PTPRD: variants seen among roughly 807,000 people sequenced by gnomAD.
The protein encoded by PTPRD is receptor-type tyrosine-protein phosphatase delta.
PTPRD carries 34 observed loss-of-function variants against 214.5 expected under a neutral mutation model. The ratio of observed to expected loss-of-function variants is 0.16; its 90% CI spans 0.12 to 0.21. The LOEUF is 0.21. Ranked by LOEUF, PTPRD falls within the 10% of genes least tolerant of loss-of-function variation. The pLI is 1.00. For synonymous variants in PTPRD, 1,128 were observed against 845.7 expected (o/e 1.33, Z -5.79); for missense variants, 2,545 against 2,398.7 (o/e 1.06, Z -1.27).
At chr9:8,675,538 CAAAAAAAAAAAAAAA>C (rs61509653) in intron 12 of PTPRD, among the ~76,000 whole-genome samples, 65 of 49,124 alleles carry the variant, frequency 1.3e-3, no homozygotes, top group Admixed American at 5.6e-3. Context: ...CACACACACA[CAAAAAAAAAAAAAAA>C]AAAAAAAAAA....
intron 11 of PTPRD, among the ~76,000 whole-genome samples, chr9:8,963,926 T>C (rs1268636694): frequency 1.3e-5 from 2 of 152,224 alleles, no homozygotes; most frequent in South Asian, 2.1e-4. Flanking sequence ...AATTAACTTT[T>C]TGATGTGCTG....
At chr9:9,525,040 G>T (rs2073771509) in intron 8 of PTPRD, among the ~76,000 whole-genome samples, 1 of 152,116 alleles carries the variant, frequency 6.6e-6, no homozygotes, top group South Asian at 2.1e-4. Context: ...TGTATTTTTA[G>T]TAGAGACACC....
intron 17 of PTPRD, among the ~76,000 whole-genome samples, chr9:8,525,751 C>T (rs1437930114): frequency 6.6e-6 from 1 of 152,064 alleles, no homozygotes; most frequent in Non-Finnish European, 1.5e-5. Flanking sequence ...TGCTTGAGGA[C>T]CCTGAGATGG....
At chr9:9,498,935 T>G (rs1011117021) in intron 8 of PTPRD, among the ~76,000 whole-genome samples, 6 of 150,006 alleles carry the variant, frequency 4.0e-5, no homozygotes, top group African/African-American at 1.5e-4. Context: ...TAGGCTTATT[T>G]TTTCTCTCTC....
At chr9:10,114,443 C>A (rs1591526338) in intron 3 of PTPRD, among the ~76,000 whole-genome samples, 3 of 152,214 alleles carry the variant, frequency 2.0e-5, no homozygotes, top group Middle Eastern at 6.8e-3. Context: ...TAGACAGGAC[C>A]AATACCTGTC....
At chr9:9,649,852 T>G (rs1421002002) in intron 7 of PTPRD, among the ~76,000 whole-genome samples, 1 of 152,260 alleles carries the variant, frequency 6.6e-6, no homozygotes, top group Non-Finnish European at 1.5e-5. Flanking sequence ...TTATAATTTA[T>G]GCATCTTTTC....
At chr9:9,609,341 C>A (rs2094383933) in intron 7 of PTPRD, among the ~76,000 whole-genome samples, 1 of 152,082 alleles carries the variant, frequency 6.6e-6, no homozygotes, top group Non-Finnish European at 1.5e-5. Flanking sequence ...TGGAATCTTT[C>A]TTTAAACATT....
At chr9:9,323,325 A>G (rs915357345) in intron 9 of PTPRD, among the ~76,000 whole-genome samples, 8 of 152,154 alleles carry the variant, frequency 5.3e-5, no homozygotes, top group Non-Finnish European at 7.4e-5. Context: ...GTTTAATCAA[A>G]TCTTTTTTAC....
At chr9:8,765,409 C>G (rs1318898990) in intron 11 of PTPRD, among the ~76,000 whole-genome samples, 1 of 152,210 alleles carries the variant, frequency 6.6e-6, no homozygotes, top group Non-Finnish European at 1.5e-5. Context: ...CTGGCATAAG[C>G]CAACCTTCAT....
At chr9:9,260,141 T>A (rs2099979455) in intron 9 of PTPRD, among the ~76,000 whole-genome samples, 1 of 151,924 alleles carries the variant, frequency 6.6e-6, no homozygotes, top group African/African-American at 2.4e-5. Flanking sequence ...AAATTAGGTA[T>A]GTACATAACA....
chr9:9,635,573 G>T (rs1049329005), intron 7 of PTPRD, among the ~76,000 whole-genome samples: 1 of 152,098 alleles, frequency 6.6e-6, no homozygotes, highest in African/African-American at 2.4e-5. Flanking sequence ...TCAGATTTTG[G>T]AACCATTGAC....
intron 9 of PTPRD, among the ~76,000 whole-genome samples, chr9:9,269,374 G>GA (rs1016700282): frequency 1.3e-5 from 2 of 150,572 alleles, no homozygotes; most frequent in African/African-American, 2.4e-5. Flanking sequence ...TGAGAGTGTG[G>GA]AAAAAAAAGA....
At chr9:9,704,262 T>A (rs1389589486) in intron 7 of PTPRD, among the ~76,000 whole-genome samples, 3 of 152,140 alleles carry the variant, frequency 2.0e-5, no homozygotes, top group African/African-American at 7.2e-5. Flanking sequence ...TTTTTCTTTT[T>A]TTTTGTCACC....
At chr9:9,153,915 T>C (rs1298619938) in intron 10 of PTPRD, among the ~76,000 whole-genome samples, 1 of 152,104 alleles carries the variant, frequency 6.6e-6, no homozygotes, top group Non-Finnish European at 1.5e-5. Flanking sequence ...AGGCAGATGG[T>C]GTTATTGTTC....
At chr9:8,437,953 T>A (rs1001118896) in intron 34 of PTPRD, among the ~76,000 whole-genome samples, 3 of 152,204 alleles carry the variant, frequency 2.0e-5, no homozygotes, top group African/African-American at 7.2e-5. Context: ...AGAAGTATCA[T>A]GAAAGAGCAT....
At chr9:9,399,396 C>A (rs2141272356) in intron 8 of PTPRD, among the ~76,000 whole-genome samples, 2 of 152,080 alleles carry the variant, frequency 1.3e-5, no homozygotes, top group East Asian at 3.9e-4. Context: ...TGACCTAACA[C>A]ACAATTACAA....
At chr9:9,450,354 C>T (rs1007251228) in intron 8 of PTPRD, among the ~76,000 whole-genome samples, 8 of 151,890 alleles carry the variant, frequency 5.3e-5, no homozygotes, top group Non-Finnish European at 1.0e-4. Flanking sequence ...CTGTTTTCCA[C>T]AGTGGTTGTA....
In PTPRD at chr9:8,933,340, G is replaced by GTTTTTTTTTTTTTTTTTT. The variant is rs71317383; in HGVS notation, c.-104+85339_-104+85356dup. Reference sequence around the variant, plus strand: ...CCATCTTGCCAGCCACAACCTTGAGGTTTTTTTTTTTTTTTTTTTTTTTAC... The same window carrying GTTTTTTTTTTTTTTTTTT: ...CCATCTTGCCAGCCACAACCTTGAGGTTTTTTTTTTTTTTTTTTTTTTTTTTTTTTTTTTTTTTTTTAC... On this transcript the variant is annotated intron_variant, in intron 11 of 45. Transcript: ENST00000381196. Among the ~76,000 whole-genome samples the GTTTTTTTTTTTTTTTTTT allele has an allele frequency of 5.4e-3, 431 of 80,304 alleles. 59 individuals are homozygous for GTTTTTTTTTTTTTTTTTT. The highest frequency in any genetic ancestry group is 0.014 in the East Asian group (28 of 2,044). 52.7% of individuals were successfully genotyped at this position (80,304 alleles called of 152,430 possible).
intron 39 of PTPRD, among the ~76,000 whole-genome samples, chr9:8,362,575 A>G (rs2078775970): frequency 6.6e-6 from 1 of 152,210 alleles, no homozygotes; most frequent in African/African-American, 2.4e-5. Context: ...TGACAAAGTG[A>G]GAGTTTAGGA....
Sources: allele counts gnomAD v4.1 joint callset (sites outside exome capture counted in the v4.1 genomes callset), GRCh38; gene constraint gnomAD v4.1.1; transcripts MANE v1.5; gene names NCBI Gene and HGNC (gene_info 2026-07-23, HGNC 2026-07-21).